SLC4A10: variants seen among roughly 807,000 people sequenced by gnomAD.
SLC4A10 encodes the protein solute carrier family 4 member 10.
SLC4A10 carries 42 observed loss-of-function variants against 137.7 expected under a neutral mutation model. The ratio of observed to expected loss-of-function variants is 0.30; its 90% confidence interval spans 0.24 to 0.39. SLC4A10 has a LOEUF of 0.39. Among genes scored for constraint, SLC4A10 ranks in the 10% least tolerant of loss-of-function variants. The probability of loss-of-function intolerance (pLI) is 1.00; values close to 1 mark genes in which losing one functional copy is unlikely to be tolerated. For synonymous variants in SLC4A10, 474 were observed against 464.1 expected, an observed-to-expected ratio of 1.02 and a Z score of -0.27; for missense variants, 925 against 1,355.0, an observed-to-expected ratio of 0.68 and a Z score of 4.98.
At chr2:161,726,380 G>C (rs180930814) in intron 1 of SLC4A10, among the ~76,000 whole-genome samples, 5 of 152,198 alleles carry the variant, frequency 3.3e-5, no homozygotes, top group African/African-American at 1.2e-4. Flanking sequence ...CAGAAGTCCT[G>C]TTAAAAAGAC....
chr2:161,771,480 T>C (rs1051601051), intron 2 of SLC4A10, among the ~76,000 whole-genome samples: 4 of 151,770 alleles, frequency 2.6e-5, no homozygotes, highest in African/African-American at 7.3e-5. Context: ...TTCTCTTTAA[T>C]GGGAAGAAGG....
At chr2:161,755,799 C>T (rs2049563685) in intron 1 of SLC4A10, among the ~76,000 whole-genome samples, 1 of 144,132 alleles carries the variant, frequency 6.9e-6, no homozygotes, top group African/African-American at 2.6e-5. Flanking sequence ...GAGACGGAGT[C>T]TTGCCCTGTC....
chr2:161,668,385 T>C (rs960771117), intron 1 of SLC4A10, among the ~76,000 whole-genome samples: 2 of 151,756 alleles, frequency 1.3e-5, no homozygotes, highest in Non-Finnish European at 3.0e-5. Flanking sequence ...TAATTAGGTT[T>C]ACTCTGTTGG....
chr2:161,833,589 G>C (rs1348085437), intron 3 of SLC4A10, among the ~76,000 whole-genome samples: 1 of 152,158 alleles, frequency 6.6e-6, no homozygotes, highest in Non-Finnish European at 1.5e-5. Flanking sequence ...TGATAGTAGG[G>C]CAGCAGGTAC....
intron 1 of SLC4A10, among the ~76,000 whole-genome samples, chr2:161,746,870 ATGT>A (rs2048439331): frequency 6.6e-6 from 1 of 151,980 alleles, no homozygotes. Context: ...CACTCTAGAA[ATGT>A]TGTCGAGAAG....
At chr2:161,655,907 T>C (rs1400281376) in intron 1 of SLC4A10, among the ~76,000 whole-genome samples, 1 of 151,126 alleles carries the variant, frequency 6.6e-6, no homozygotes, top group Admixed American at 6.6e-5. Context: ...TCTGTCTCCC[T>C]GGTTCAAGCA....
intron 1 of SLC4A10, among the ~76,000 whole-genome samples, chr2:161,718,791 T>A (rs2045261794): frequency 6.6e-6 from 1 of 152,182 alleles, no homozygotes; most frequent in Non-Finnish European, 1.5e-5. Context: ...GGTGGAAAGA[T>A]CTGTAGATAA....
At chr2:161,914,783 C>A (rs1686718165) in intron 15 of SLC4A10, among the ~76,000 whole-genome samples, 1 of 152,048 alleles carries the variant, frequency 6.6e-6, no homozygotes, top group Non-Finnish European at 1.5e-5. Context: ...AGGCTCTAAC[C>A]CTCAGTACCT....
chr2:161,953,476 C>T (rs527260682), intron 19 of SLC4A10, among the ~76,000 whole-genome samples: 41 of 152,000 alleles, frequency 2.7e-4, no homozygotes, highest in Middle Eastern at 3.4e-3. Flanking sequence ...GGCGTAGTGG[C>T]GGGCACCTGT....
intron 8 of SLC4A10, 47 bp from the exon 9 acceptor site, chr2:161,879,084 G>A (rs1398121040): frequency 6.9e-6 from 11 of 1,589,146 alleles, no homozygotes; most frequent in Non-Finnish European, 9.5e-6. Context: ...TGATTTACCA[G>A]ATTTTTCCAA....
At chr2:161,633,225 T>A (rs189251718) in intron 1 of SLC4A10, among the ~76,000 whole-genome samples, 2 of 151,696 alleles carry the variant, frequency 1.3e-5, no homozygotes, top group Non-Finnish European at 1.5e-5. Flanking sequence ...CCATTGTAGG[T>A]TGAGAAGCAT....
chr2:161,629,721 A>G (rs1426909117), intron 1 of SLC4A10, among the ~76,000 whole-genome samples: 7 of 151,838 alleles, frequency 4.6e-5, no homozygotes, highest in Non-Finnish European at 1.0e-4. Context: ...CCTTTCCACT[A>G]ACCCCTGGTA....
At chr2:161,720,122 G>A (rs1371815879) in intron 1 of SLC4A10, among the ~76,000 whole-genome samples, 5 of 152,154 alleles carry the variant, frequency 3.3e-5, no homozygotes, top group African/African-American at 9.7e-5. Flanking sequence ...TGGCTAGCCC[G>A]TTTTCCCAGC....
At chr2:161,910,753 T>A (rs1018744873) in intron 15 of SLC4A10, among the ~76,000 whole-genome samples, 2 of 152,026 alleles carry the variant, frequency 1.3e-5, no homozygotes, top group African/African-American at 4.8e-5. Context: ...TTTTTGTTTA[T>A]CTAGCACCCA....
intron 10 of SLC4A10, among the ~76,000 whole-genome samples, chr2:161,890,279 A>C (rs561801980): frequency 3.6e-4 from 55 of 152,086 alleles, no homozygotes; most frequent in Non-Finnish European, 7.6e-4. Flanking sequence ...TTTGGGGTGG[A>C]GAGTTCTGTA....
At chr2:161,832,781 C>T (rs2058515452) in intron 3 of SLC4A10, among the ~76,000 whole-genome samples, 1 of 152,118 alleles carries the variant, frequency 6.6e-6, no homozygotes, top group African/African-American at 2.4e-5. Flanking sequence ...CACTCTGTCG[C>T]CCAGGCTGGA....
intron 21 of SLC4A10, among the ~76,000 whole-genome samples, chr2:161,961,512 T>C (rs1696708387): frequency 6.6e-6 from 1 of 151,702 alleles, no homozygotes; most frequent in Admixed American, 6.6e-5. Context: ...GGGAAGAATA[T>C]GGAAGAGGTT....
chr2:161,640,892 T>C (rs1280790118), intron 1 of SLC4A10, among the ~76,000 whole-genome samples: 1 of 152,118 alleles, frequency 6.6e-6, no homozygotes, highest in African/African-American at 2.4e-5. Context: ...CATTATTTAA[T>C]TTAGTTTACC....
intron 3 of SLC4A10, among the ~76,000 whole-genome samples, chr2:161,817,099 G>C (rs1198643290): frequency 1.3e-5 from 2 of 152,186 alleles, no homozygotes; most frequent in East Asian, 1.9e-4. Context: ...CCCACCAACA[G>C]TGTAAAAGTG....
Sources: gnomAD v4.1 joint callset for allele counts (sites outside exome capture counted in the v4.1 genomes callset) on GRCh38, gnomAD v4.1.1 for gene constraint, MANE v1.5 for transcripts, NCBI Gene and HGNC (gene_info 2026-07-23, HGNC 2026-07-21) for gene names.